Variants in ASIC2 observed in about 807,000 individuals in gnomAD.
ASIC2 encodes acid-sensing ion channel 2.
In ASIC2, 25 loss-of-function variants were observed where a neutral mutation model predicts 57.3. The ratio of observed to expected loss-of-function variants is 0.44; its 90% confidence interval spans 0.32 to 0.61. The LOEUF (loss-of-function observed/expected upper bound fraction) is 0.61. ASIC2 is among the 20% of genes least tolerant of loss of function. The pLI is 0.06. For synonymous variants in ASIC2, 319 were observed against 307.5 expected (o/e 1.04, Z -0.39); for missense variants, 641 against 738.1 (o/e 0.87, Z 1.52).
intron 1 of ASIC2, among the ~76,000 whole-genome samples, chr17:33,358,979 T>C (rs1450636126): frequency 1.3e-5 from 2 of 152,194 alleles, no homozygotes; most frequent in African/African-American, 4.8e-5. Flanking sequence ...TTTAGAAAGG[T>C]TCCTTAAATA....
intron 1 of ASIC2, among the ~76,000 whole-genome samples, chr17:33,734,587 T>C (rs1418794790): frequency 3.3e-5 from 5 of 152,210 alleles, no homozygotes; most frequent in African/African-American, 1.2e-4. Flanking sequence ...AATGTGTATG[T>C]TGAAGCCCTC....
At chr17:33,433,256 G>GC (rs1911481384) in intron 1 of ASIC2, among the ~76,000 whole-genome samples, 2 of 152,150 alleles carry the variant, frequency 1.3e-5, no homozygotes, top group Non-Finnish European at 2.9e-5. Context: ...GCAGGAACAT[G>GC]GATGGAGCTG....
chr17:34,147,679 C>T (rs988969453), intron 1 of ASIC2, among the ~76,000 whole-genome samples: 1 of 152,146 alleles, frequency 6.6e-6, no homozygotes, highest in African/African-American at 2.4e-5. Context: ...GTGATGTAGG[C>T]TTGGTCTCAG....
At chr17:33,228,838 C>G (rs1404876353) in intron 1 of ASIC2, among the ~76,000 whole-genome samples, 4 of 152,222 alleles carry the variant, frequency 2.6e-5, no homozygotes, top group Admixed American at 2.6e-4. Context: ...TCCATCCTTC[C>G]AGGAGGAAAC....
chr17:33,757,920 G>T (rs912451795), intron 1 of ASIC2, among the ~76,000 whole-genome samples: 1 of 152,160 alleles, frequency 6.6e-6, no homozygotes, highest in African/African-American at 2.4e-5. Context: ...AGATTGGGAG[G>T]GTATGAGCTG....
At chr17:33,072,928 C>A (rs917519929) in intron 3 of ASIC2, among the ~76,000 whole-genome samples, 1 of 152,258 alleles carries the variant, frequency 6.6e-6, no homozygotes, top group African/African-American at 2.4e-5. Flanking sequence ...CAGCAATCAA[C>A]GCCATCCCAG....
intron 1 of ASIC2, among the ~76,000 whole-genome samples, chr17:33,331,003 T>C (rs1054756794): frequency 6.6e-6 from 1 of 152,142 alleles, no homozygotes; most frequent in Non-Finnish European, 1.5e-5. Context: ...CTGATGCTTG[T>C]TATGAACCGG....
chr17:33,817,963 G>A (rs1165865076), intron 1 of ASIC2, among the ~76,000 whole-genome samples: 2 of 152,086 alleles, frequency 1.3e-5, no homozygotes, highest in African/African-American at 4.8e-5. Context: ...TGGTTTCGGG[G>A]TACCACATTT....
intron 1 of ASIC2, among the ~76,000 whole-genome samples, chr17:33,821,765 T>C (rs760690760): frequency 6.6e-6 from 1 of 152,224 alleles, no homozygotes; most frequent in Non-Finnish European, 1.5e-5. Flanking sequence ...ACTTGTTTAT[T>C]GAAAGGGAAT....
chr17:34,154,618 A>C (rs894486500), intron 1 of ASIC2, among the ~76,000 whole-genome samples: 29 of 152,210 alleles, frequency 1.9e-4, no homozygotes, highest in African/African-American at 7.0e-4. Flanking sequence ...AGAACCTCAG[A>C]TCAAGAGGCT....
intron 1 of ASIC2, among the ~76,000 whole-genome samples, chr17:33,959,771 T>C (rs1005129311): frequency 3.3e-5 from 5 of 152,236 alleles, no homozygotes; most frequent in African/African-American, 1.2e-4. Context: ...CCCAGTCCAC[T>C]GACTCAAATG....
At chr17:33,592,984 A>T (rs1237086902) in intron 1 of ASIC2, among the ~76,000 whole-genome samples, 3 of 152,142 alleles carry the variant, frequency 2.0e-5, no homozygotes, top group Non-Finnish European at 4.4e-5. Context: ...TTCACGGGAG[A>T]GTTTCAGAGA....
intron 1 of ASIC2, among the ~76,000 whole-genome samples, chr17:33,472,285 G>A (rs930172665): frequency 6.6e-6 from 1 of 152,162 alleles, no homozygotes; most frequent in Non-Finnish European, 1.5e-5. Flanking sequence ...CTTCCAAAGT[G>A]CTGGGATTAC....
chr17:33,931,772 G>T (rs1915935512), intron 1 of ASIC2, among the ~76,000 whole-genome samples: 1 of 152,230 alleles, frequency 6.6e-6, no homozygotes, highest in African/African-American at 2.4e-5. Flanking sequence ...TGAGCTAGAA[G>T]GGCCTTCTGA....
intron 1 of ASIC2, among the ~76,000 whole-genome samples, chr17:33,135,611 G>GAGCC (rs2092364200): frequency 6.6e-6 from 1 of 152,322 alleles, no homozygotes; most frequent in African/African-American, 2.4e-5. Context: ...GGCAAAGATG[G>GAGCC]AGCCAGGCAG....
chr17:34,087,178 C>T (rs890768870), intron 1 of ASIC2, among the ~76,000 whole-genome samples: 10 of 151,834 alleles, frequency 6.6e-5, no homozygotes, highest in South Asian at 4.2e-4. Flanking sequence ...TGGCTGGTAC[C>T]GGTTGTTCCT....
chr17:33,212,619 C>G (rs1269554762), intron 1 of ASIC2, among the ~76,000 whole-genome samples: 1 of 152,082 alleles, frequency 6.6e-6, no homozygotes, highest in Non-Finnish European at 1.5e-5. Flanking sequence ...AGAAATGAAT[C>G]AAGACATCAA....
chr17:33,070,804 G>A (rs1002720637), intron 3 of ASIC2, among the ~76,000 whole-genome samples: 4 of 151,944 alleles, frequency 2.6e-5, no homozygotes, highest in African/African-American at 7.3e-5. Flanking sequence ...GTAAGGATCT[G>A]CTGGCTCTTC....
At chr17:34,084,050 G>T (rs1455398849) in intron 1 of ASIC2, among the ~76,000 whole-genome samples, 5 of 151,744 alleles carry the variant, frequency 3.3e-5, no homozygotes, top group Admixed American at 1.3e-4. Context: ...GTCAATTTTG[G>T]CTTTTGTTGC....
Sources: gnomAD v4.1 joint callset for allele counts (sites outside exome capture counted in the v4.1 genomes callset) on GRCh38, gnomAD v4.1.1 for gene constraint, MANE v1.5 for transcripts, NCBI Gene and HGNC (gene_info 2026-07-23, HGNC 2026-07-21) for gene names.